BRD10: variants seen among roughly 807,000 people sequenced by gnomAD.
BRD10 encodes the protein uncharacterized bromodomain-containing protein 10.
At chr9:5,998,602 T>A in the BRD10 span, among the ~76,000 whole-genome samples, 1 of 152,072 alleles carries the variant, frequency 6.6e-6, no homozygotes, top group African/African-American at 2.4e-5. Context: ...TATAGCAAAC[T>A]CAAACTTTGC....
chr9:5,934,358 C>CTTTTT, the BRD10 span, among the ~76,000 whole-genome samples: 23 of 129,992 alleles, frequency 1.8e-4, 4 homozygotes, highest in Admixed American at 3.2e-4. Flanking sequence ...TTACGCTTTT[C>CTTTTT]TTTTTTTTTT....
the BRD10 span, among the ~76,000 whole-genome samples, chr9:5,974,360 G>A: frequency 6.6e-6 from 1 of 152,050 alleles, no homozygotes; most frequent in Non-Finnish European, 1.5e-5. Context: ...AGTGTCTTCT[G>A]CTTCCAACCA....
At chr9:5,991,973 T>A in the BRD10 span, among the ~76,000 whole-genome samples, 1 of 152,168 alleles carries the variant, frequency 6.6e-6, no homozygotes, top group Non-Finnish European at 1.5e-5. Context: ...TTGCACTTGA[T>A]CACTCTCCTT....
At chr9:5,921,321 T>C in the BRD10 span, 6 of 1,613,986 alleles carry the variant, frequency 3.7e-6, no homozygotes, top group Non-Finnish European at 5.1e-6. Flanking sequence ...TTTATTTTTA[T>C]TGGTGTGCCC....
chr9:5,879,489 C>A, the BRD10 span, among the ~76,000 whole-genome samples: 2 of 152,340 alleles, frequency 1.3e-5, no homozygotes, highest in Non-Finnish European at 2.9e-5. Context: ...ACCCTGCCTC[C>A]TTTTCATCCC....
At chr9:5,919,981 T>C in the BRD10 span, 10 of 1,613,900 alleles carry the variant, frequency 6.2e-6, no homozygotes, top group Non-Finnish European at 8.5e-6. Context: ...ACTTAATTAC[T>C]GAAGTCAGTG....
chr9:5,894,705 T>A, the BRD10 span, among the ~76,000 whole-genome samples: 1 of 152,090 alleles, frequency 6.6e-6, no homozygotes, highest in Admixed American at 6.5e-5. This position sits in a 1 kb window ranked among gnomAD's most constrained non-coding sequence, Gnocchi z 4.0. Flanking sequence ...GCTGGGGTGA[T>A]CCTGACAGGA....
the BRD10 span, among the ~76,000 whole-genome samples, chr9:5,969,777 C>G: frequency 2.0e-5 from 3 of 152,164 alleles, no homozygotes; most frequent in African/African-American, 7.2e-5. Context: ...AACTCCTGAC[C>G]TCAGGTGATC....
chr9:5,914,616 G>A, the BRD10 span, among the ~76,000 whole-genome samples: 2 of 151,576 alleles, frequency 1.3e-5, no homozygotes, highest in South Asian at 4.2e-4. Context: ...GTAGAGACGG[G>A]GTTTCACCGC....
At chr9:6,007,618 T>G in the BRD10 span, 1 of 1,604,030 alleles carries the variant, frequency 6.2e-7, no homozygotes, top group Non-Finnish European at 8.5e-7. Flanking sequence ...CATCTCTTCC[T>G]CCTGATCGTC....
chr9:6,000,287 T>G, the BRD10 span, among the ~76,000 whole-genome samples: 3 of 152,152 alleles, frequency 2.0e-5, no homozygotes, highest in Non-Finnish European at 4.4e-5. Flanking sequence ...CCACTGGGGC[T>G]TATTAGCCTT....
chr9:5,980,910 A>C, the BRD10 span, among the ~76,000 whole-genome samples: 1 of 152,182 alleles, frequency 6.6e-6, no homozygotes, highest in African/African-American at 2.4e-5. Flanking sequence ...TTCTTATGCC[A>C]AAGGTTTTAA....
At chr9:5,908,436 T>C in the BRD10 span, among the ~76,000 whole-genome samples, 1 of 152,224 alleles carries the variant, frequency 6.6e-6, no homozygotes, top group Admixed American at 6.5e-5. Context: ...CTTAACCCTA[T>C]TTTTCTCTAC....
the BRD10 span, chr9:5,924,577 T>C: frequency 1.4e-6 from 1 of 721,710 alleles, no homozygotes; most frequent in Non-Finnish European, 2.2e-6. Context: ...TCATTGACCA[T>C]ATTATCTTTT....
chr9:6,003,318 T>C, the BRD10 span, among the ~76,000 whole-genome samples: 2 of 152,206 alleles, frequency 1.3e-5, no homozygotes, highest in African/African-American at 4.8e-5. Context: ...TTTTCAAAAA[T>C]ATCATCATTT....
At chr9:5,933,264 C>G in the BRD10 span, among the ~76,000 whole-genome samples, 1 of 152,132 alleles carries the variant, frequency 6.6e-6, no homozygotes. Flanking sequence ...TTTTCATAGG[C>G]AAACAATACT....
At chr9:5,880,601 A>G in the BRD10 span, among the ~76,000 whole-genome samples, 1 of 152,118 alleles carries the variant, frequency 6.6e-6, no homozygotes. Context: ...TTTTCCCCAC[A>G]CAGACATGGT....
chr9:5,889,764 G>A, the BRD10 span, among the ~76,000 whole-genome samples: 75 of 151,154 alleles, frequency 5.0e-4, 1 homozygote, highest in African/African-American at 1.8e-3. Context: ...CAGCCTGGGC[G>A]ACAGAGTGAG....
At chr9:5,935,581 C>G in the BRD10 span, among the ~76,000 whole-genome samples, 2 of 152,094 alleles carry the variant, frequency 1.3e-5, no homozygotes, top group Non-Finnish European at 2.9e-5. Flanking sequence ...GATATTAAGC[C>G]AACAAACTGA....
Sources: allele counts gnomAD v4.1 joint callset (sites outside exome capture counted in the v4.1 genomes callset), GRCh38; gene constraint gnomAD v4.1.1; non-coding constraint Gnocchi (gnomAD v3.1); transcripts MANE v1.5; gene names NCBI Gene and HGNC (gene_info 2026-07-23, HGNC 2026-07-21).